The following HOMER2 variants were observed in gnomAD, a reference collection of about 807,000 sequenced individuals.
HOMER2 encodes homer protein homolog 2.
Under a neutral mutation model 47.0 loss-of-function variants are expected in HOMER2, and 27 were observed. The observed-to-expected ratio is 0.57, with a 90% CI of 0.42 to 0.79. HOMER2 has a LOEUF of 0.79. HOMER2 is among the 30% of genes least tolerant of loss of function. HOMER2 has a pLI of 0.00. For missense variants in HOMER2, 443 were observed against 435.0 expected (o/e 1.02, Z -0.16); for synonymous variants, 161 against 163.8 (o/e 0.98, Z 0.13).
intron 1 of HOMER2, among the ~76,000 whole-genome samples, chr15:82,911,265 A>C (rs1252044808): frequency 6.6e-6 from 1 of 152,212 alleles, no homozygotes; most frequent in African/African-American, 2.4e-5. Context: ...TTAAAAACTT[A>C]GAAGTCTAGG....
intron 3 of HOMER2, among the ~76,000 whole-genome samples, chr15:82,868,541 A>ATATATATTTTTT: frequency 1.4e-5 from 1 of 71,254 alleles, no homozygotes; most frequent in Non-Finnish European, 2.8e-5. Context: ...ATATATATAT[A>ATATATATTTTTT]TTTTTTTTTT....
At chr15:82,880,138 G>A (rs1207443578) in intron 2 of HOMER2, among the ~76,000 whole-genome samples, 4 of 152,194 alleles carry the variant, frequency 2.6e-5, no homozygotes, top group African/African-American at 9.7e-5. Context: ...CTAGCCTATG[G>A]CCTGTTTTTG....
Position 82,975,175 on chromosome 15 carries a change from C to G in HOMER2, n.82+10612G>C, listed in dbSNP as rs190455537. ...GAACTACAATGAGGTATCATCTCAC[C>G]CCAGTTAAAATGGTTTATATCCAAA... On this transcript the variant is annotated intron_variant and non_coding_transcript_variant, in intron 1 of 1. Transcript: ENST00000500334. 2.0e-5 allele frequency among the ~76,000 whole-genome samples: 3 copies of G among 152,260 alleles called. No homozygotes were observed. In the East Asian group the frequency reaches 5.8e-4, roughly 29 times the overall value.
At chr15:82,892,543 G>GT (rs1278463376) in intron 2 of HOMER2, 142 bp downstream of exon 2, 1 of 594,572 alleles carries the variant, frequency 1.7e-6, no homozygotes, top group African/African-American at 1.9e-5. Context: ...CCCATTTACC[G>GT]TAAGTTTAAA....
At chr15:82,880,971 C>T (rs938430912) in intron 2 of HOMER2, among the ~76,000 whole-genome samples, 1 of 152,108 alleles carries the variant, frequency 6.6e-6, no homozygotes, top group Non-Finnish European at 1.5e-5. Flanking sequence ...GCCCTCAATG[C>T]GGCAGAATGA....
chr15:82,862,128 C>T (rs1407267840), intron 4 of HOMER2, among the ~76,000 whole-genome samples: 1 of 151,268 alleles, frequency 6.6e-6, no homozygotes, highest in Non-Finnish European at 1.5e-5. Context: ...GTCTCGAACT[C>T]ATGAGCTCAG....
chr15:82,879,225 C>T (rs542034360), intron 2 of HOMER2, among the ~76,000 whole-genome samples: 1 of 152,216 alleles, frequency 6.6e-6, no homozygotes, highest in South Asian at 2.1e-4. Context: ...TCGTAGTTTG[C>T]AGGCTCATGC....
At chr15:82,981,004 GT>G (rs2030376835) in intron 1 of HOMER2, among the ~76,000 whole-genome samples, 1 of 152,200 alleles carries the variant, frequency 6.6e-6, no homozygotes, top group Non-Finnish European at 1.5e-5. Context: ...CAGGGTATCA[GT>G]TTTGTTTTGA....
intron 3 of HOMER2, among the ~76,000 whole-genome samples, chr15:82,867,181 C>T (rs1335148903): frequency 1.3e-5 from 2 of 151,814 alleles, no homozygotes; most frequent in Non-Finnish European, 2.9e-5. Flanking sequence ...AAAAGAAAAT[C>T]AAACTTTAAA....
At chr15:82,907,597 A>C (rs1052952870) in intron 1 of HOMER2, among the ~76,000 whole-genome samples, 5 of 152,220 alleles carry the variant, frequency 3.3e-5, no homozygotes, top group Admixed American at 1.3e-4. Context: ...ATCAGTACAT[A>C]GTTGAACTCA....
chr15:82,909,289 A>G (rs1425412823), intron 1 of HOMER2, among the ~76,000 whole-genome samples: 1 of 152,198 alleles, frequency 6.6e-6, no homozygotes, highest in Non-Finnish European at 1.5e-5. Flanking sequence ...CACCTCACAG[A>G]TGGAGCAATG....
chr15:82,949,174 C>G (rs750935165), intron 1 of HOMER2, among the ~76,000 whole-genome samples: 3 of 152,092 alleles, frequency 2.0e-5, no homozygotes, highest in Non-Finnish European at 4.4e-5. Flanking sequence ...ATCAAGAGCT[C>G]CATGTATTGA....
intron 1 of HOMER2, among the ~76,000 whole-genome samples, chr15:82,964,717 C>T (rs1220580839): frequency 6.6e-6 from 1 of 152,054 alleles, no homozygotes; most frequent in Non-Finnish European, 1.5e-5. Context: ...ACCACTGGAG[C>T]CAAGATCACA....
intron 1 of HOMER2, among the ~76,000 whole-genome samples, chr15:82,969,432 C>T (rs1037627522): frequency 1.3e-5 from 2 of 152,174 alleles, no homozygotes; most frequent in Admixed American, 1.3e-4. Flanking sequence ...CGGGGATCTA[C>T]GATTCTTATG....
intron 1 of HOMER2, among the ~76,000 whole-genome samples, chr15:82,944,256 G>A (rs1045307414): frequency 2.0e-5 from 3 of 152,036 alleles, no homozygotes; most frequent in African/African-American, 7.3e-5. Context: ...CACACAAAAC[G>A]CACCCCGCTA....
chr15:82,983,338 T>C (rs2030460226), intron 1 of HOMER2, among the ~76,000 whole-genome samples: 1 of 152,226 alleles, frequency 6.6e-6, no homozygotes, highest in South Asian at 2.1e-4. Context: ...TGATTTCAAC[T>C]ATTGTTTCTT....
chr15:82,950,971 T>G (rs947898825), intron 1 of HOMER2, among the ~76,000 whole-genome samples: 2 of 152,160 alleles, frequency 1.3e-5, no homozygotes, highest in Non-Finnish European at 2.9e-5. Flanking sequence ...AGAGTTAAAA[T>G]TACCGGATCC....
intron 1 of HOMER2, among the ~76,000 whole-genome samples, chr15:82,919,147 T>G (rs1356389179): frequency 1.3e-5 from 2 of 152,160 alleles, no homozygotes; most frequent in African/African-American, 4.8e-5. Context: ...TCCGTGACAC[T>G]AAAAAGATTG....
At chr15:82,903,577 C>T (rs1484793530) in intron 1 of HOMER2, among the ~76,000 whole-genome samples, 2 of 152,048 alleles carry the variant, frequency 1.3e-5, no homozygotes, top group African/African-American at 4.8e-5. Context: ...CGAGATTGCG[C>T]CATTGCACTC....
Sources: gnomAD v4.1 joint callset for allele counts (sites outside exome capture counted in the v4.1 genomes callset) on GRCh38, gnomAD v4.1.1 for gene constraint, MANE v1.5 for transcripts, NCBI Gene and HGNC (gene_info 2026-07-23, HGNC 2026-07-21) for gene names.